Variants in ZNF892 observed in about 807,000 individuals in gnomAD.
The protein encoded by ZNF892 is zinc finger protein 892.
chr2:95,207,538 G>A, the ZNF892 span: 1 of 345,714 alleles, frequency 2.9e-6, no homozygotes, highest in Admixed American at 4.8e-5. Context: ...CCTCATGGTT[G>A]GCCGGCGCTA....
the ZNF892 span, among the ~76,000 whole-genome samples, chr2:95,245,498 T>C: frequency 7.0e-6 from 1 of 143,682 alleles, no homozygotes; most frequent in South Asian, 2.2e-4. Flanking sequence ...CTCGATCTCC[T>C]GACCTCGTGA....
chr2:95,219,549 C>T, the ZNF892 span, among the ~76,000 whole-genome samples: 1 of 152,200 alleles, frequency 6.6e-6, no homozygotes, highest in African/African-American at 2.4e-5. Flanking sequence ...GTTATCCTAA[C>T]ATCTGTGTCA....
At chr2:95,254,188 G>T in the ZNF892 span, among the ~76,000 whole-genome samples, 2 of 152,146 alleles carry the variant, frequency 1.3e-5, no homozygotes, top group Non-Finnish European at 2.9e-5. Context: ...TCCAGTTTTT[G>T]CCCATTCAGT....
chr2:95,258,313 A>G, the ZNF892 span, among the ~76,000 whole-genome samples: 5 of 152,338 alleles, frequency 3.3e-5, no homozygotes, highest in East Asian at 9.6e-4. Flanking sequence ...TAATGCAGTC[A>G]GTCCCTGCTA....
the ZNF892 span, among the ~76,000 whole-genome samples, chr2:95,239,158 A>AT: frequency 6.6e-6 from 1 of 151,226 alleles, no homozygotes; most frequent in Non-Finnish European, 1.5e-5. Context: ...AAAAAAAAAA[A>AT]AAAAGTGGAG....
chr2:95,221,279 T>C, the ZNF892 span, among the ~76,000 whole-genome samples: 1 of 152,222 alleles, frequency 6.6e-6, no homozygotes, highest in Non-Finnish European at 1.5e-5. Context: ...AAAACAACTG[T>C]GAATATAATG....
At chr2:95,232,016 G>A in the ZNF892 span, 1 of 152,162 alleles carries the variant, frequency 6.6e-6, no homozygotes, top group Non-Finnish European at 1.5e-5. Context: ...GGGCACAAAT[G>A]TGTCACATTT....
chr2:95,239,633 C>T, the ZNF892 span, among the ~76,000 whole-genome samples: 1 of 152,050 alleles, frequency 6.6e-6, no homozygotes, highest in Non-Finnish European at 1.5e-5. Flanking sequence ...GAGTCTCACT[C>T]TGTCGCCCAG....
chr2:95,214,653 G>A, the ZNF892 span: 1 of 401,590 alleles, frequency 2.5e-6, no homozygotes, highest in Non-Finnish European at 4.4e-6. Flanking sequence ...ACAAAATTCA[G>A]ATATAATTAG....
the ZNF892 span, among the ~76,000 whole-genome samples, chr2:95,233,794 C>A: frequency 6.6e-6 from 1 of 151,832 alleles, no homozygotes; most frequent in Admixed American, 6.6e-5. Context: ...GTCACCACGC[C>A]TGGCCCTCCT....
the ZNF892 span, chr2:95,208,655 T>C: frequency 7.5e-6 from 3 of 398,502 alleles, no homozygotes; most frequent in African/African-American, 2.1e-5. Context: ...TAGGATCACT[T>C]TTTGAGGACT....
chr2:95,261,589 C>T, the ZNF892 span, among the ~76,000 whole-genome samples: 1 of 152,236 alleles, frequency 6.6e-6, no homozygotes, highest in Non-Finnish European at 1.5e-5. Context: ...GCCACCACGA[C>T]TGGCCTCCAC....
chr2:95,234,231 C>T, the ZNF892 span, among the ~76,000 whole-genome samples: 2 of 152,110 alleles, frequency 1.3e-5, no homozygotes, highest in African/African-American at 4.8e-5. Flanking sequence ...CCATATGGCG[C>T]CAGCAGTCAG....
chr2:95,235,506 C>T, the ZNF892 span, among the ~76,000 whole-genome samples: 426 of 152,190 alleles, frequency 2.8e-3, 4 homozygotes, highest in African/African-American at 9.7e-3. Flanking sequence ...GGACTACAGG[C>T]GCCAGCCACC....
At chr2:95,240,366 C>T in the ZNF892 span, among the ~76,000 whole-genome samples, 1 of 152,170 alleles carries the variant, frequency 6.6e-6, no homozygotes, top group East Asian at 1.9e-4. Context: ...AAAGGAACCC[C>T]CACCCCCAGC....
the ZNF892 span, among the ~76,000 whole-genome samples, chr2:95,245,777 A>G: frequency 1.3e-5 from 2 of 152,246 alleles, no homozygotes; most frequent in East Asian, 1.9e-4. Flanking sequence ...AGAAATGAAT[A>G]AAATACTGGA....
the ZNF892 span, chr2:95,207,690 C>T: frequency 2.5e-6 from 1 of 397,402 alleles, no homozygotes. Context: ...GCGGGAGGAC[C>T]CCCGGGTGGG....
At chr2:95,208,594 G>C in the ZNF892 span, 4 of 398,402 alleles carry the variant, frequency 1.0e-5, no homozygotes, top group East Asian at 1.4e-4. Context: ...GGCACTTCCT[G>C]CTAGTTTATT....
At chr2:95,214,862 C>A in the ZNF892 span, 1 of 504,190 alleles carries the variant, frequency 2.0e-6, no homozygotes, top group East Asian at 3.1e-5. Context: ...GGGAGAAACC[C>A]TATGAATGTC....
Sources: allele counts gnomAD v4.1 joint callset (sites outside exome capture counted in the v4.1 genomes callset), GRCh38; gene constraint gnomAD v4.1.1; transcripts MANE v1.5; gene names NCBI Gene and HGNC (gene_info 2026-07-23, HGNC 2026-07-21).